GALNT17: variants seen among roughly 807,000 people sequenced by gnomAD.
The protein encoded by GALNT17 is polypeptide N-acetylgalactosaminyltransferase 17.
GALNT17 carries 29 observed loss-of-function variants against 63.7 expected under a neutral mutation model. The ratio of observed to expected loss-of-function variants is 0.46; its 90% confidence interval spans 0.34 to 0.62. The LOEUF (loss-of-function observed/expected upper bound fraction) is 0.62, where lower values mean the gene tolerates loss of function less well. Among genes scored for constraint, GALNT17 ranks in the 20% least tolerant of loss-of-function variants. The probability of loss-of-function intolerance (pLI) is 0.01; values close to 1 mark genes in which losing one functional copy is unlikely to be tolerated. For missense variants in GALNT17, 603 were observed against 799.6 expected, an observed-to-expected ratio of 0.75 and a Z score of 2.97; for synonymous variants, 305 against 318.3, an observed-to-expected ratio of 0.96 and a Z score of 0.45.
chr7:71,476,850 G>C (rs1430037365), intron 5 of GALNT17, among the ~76,000 whole-genome samples: 2 of 152,158 alleles, frequency 1.3e-5, no homozygotes, highest in Non-Finnish European at 2.9e-5. Context: ...CAGAATCAGA[G>C]TCCTGTAAGG....
At chr7:71,366,855 G>T (rs1792520885) in intron 2 of GALNT17, among the ~76,000 whole-genome samples, 1 of 152,098 alleles carries the variant, frequency 6.6e-6, no homozygotes, top group South Asian at 2.1e-4. Flanking sequence ...TTGCCAACCT[G>T]AAGGCTAAAA....
intron 1 of GALNT17, among the ~76,000 whole-genome samples, chr7:71,151,063 A>G (rs570071951): frequency 9.9e-5 from 15 of 151,456 alleles, no homozygotes; most frequent in South Asian, 4.2e-4. Flanking sequence ...ATCTCCTGCT[A>G]TCTCCTGTGT....
intron 5 of GALNT17, among the ~76,000 whole-genome samples, chr7:71,438,320 G>A (rs1319445733): frequency 6.6e-6 from 1 of 152,188 alleles, no homozygotes; most frequent in African/African-American, 2.4e-5. Context: ...TGCAGTCTGG[G>A]AGGCTAAGCT....
At chr7:71,564,369 C>T (rs887219502) in intron 5 of GALNT17, among the ~76,000 whole-genome samples, 2 of 149,392 alleles carry the variant, frequency 1.3e-5, no homozygotes, top group African/African-American at 4.9e-5. Flanking sequence ...TCACTACAAC[C>T]TCCTCCTCCC....
At chr7:71,520,609 G>A (rs1788515080) in intron 5 of GALNT17, among the ~76,000 whole-genome samples, 1 of 152,102 alleles carries the variant, frequency 6.6e-6, no homozygotes, top group Non-Finnish European at 1.5e-5. Context: ...GAAGCTGCAT[G>A]GTGTGTGTGG....
intron 5 of GALNT17, among the ~76,000 whole-genome samples, chr7:71,549,604 A>G (rs1408690472): frequency 6.6e-6 from 1 of 152,184 alleles, no homozygotes; most frequent in Admixed American, 6.6e-5. Context: ...AGATGAATAA[A>G]TATATTACAA....
intron 1 of GALNT17, among the ~76,000 whole-genome samples, chr7:71,277,972 A>G (rs1185289231): frequency 6.6e-6 from 1 of 152,186 alleles, no homozygotes. Flanking sequence ...TTTGGAGCCT[A>G]AGATAATTGA....
intron 5 of GALNT17, among the ~76,000 whole-genome samples, chr7:71,462,086 C>G (rs1583975469): frequency 6.6e-6 from 1 of 152,118 alleles, no homozygotes; most frequent in African/African-American, 2.4e-5. Context: ...GGGAGCTGCT[C>G]TGGGCTAGAT....
intron 5 of GALNT17, among the ~76,000 whole-genome samples, chr7:71,461,518 A>G (rs1417918389): frequency 1.3e-5 from 2 of 152,216 alleles, no homozygotes; most frequent in Non-Finnish European, 2.9e-5. Context: ...CTTTCATCCA[A>G]AAGAACTTAG....
At chr7:71,670,758 A>G (rs190474341) in intron 8 of GALNT17, among the ~76,000 whole-genome samples, 1 of 152,272 alleles carries the variant, frequency 6.6e-6, no homozygotes, top group Non-Finnish European at 1.5e-5. Flanking sequence ...AGAAAACTGC[A>G]ACTTAGAGAA....
chr7:71,666,594 C>G (rs1436855257), intron 7 of GALNT17, among the ~76,000 whole-genome samples: 2 of 151,828 alleles, frequency 1.3e-5, no homozygotes, highest in Admixed American at 6.6e-5. Flanking sequence ...TCCATTGTAT[C>G]GTTCTTATAC....
intron 2 of GALNT17, among the ~76,000 whole-genome samples, chr7:71,348,983 A>G (rs1184754179): frequency 1.3e-5 from 2 of 152,336 alleles, no homozygotes; most frequent in Middle Eastern, 6.8e-3. Flanking sequence ...AAGGAAACCC[A>G]AGCTGGTTTA....
At chr7:71,697,535 G>C (rs1178126576) in intron 9 of GALNT17, among the ~76,000 whole-genome samples, 2 of 152,096 alleles carry the variant, frequency 1.3e-5, no homozygotes, top group Non-Finnish European at 2.9e-5. Context: ...CACACTGCAG[G>C]AATGAGAGTC....
At chr7:71,335,037 T>G (rs1450211646) in intron 1 of GALNT17, among the ~76,000 whole-genome samples, 1 of 152,192 alleles carries the variant, frequency 6.6e-6, no homozygotes, top group Non-Finnish European at 1.5e-5. Flanking sequence ...TATGTCCTCT[T>G]TCGTCCTCAT....
chr7:71,491,126 A>C (rs999528236), intron 5 of GALNT17, among the ~76,000 whole-genome samples: 22 of 152,146 alleles, frequency 1.4e-4, no homozygotes, highest in African/African-American at 4.6e-4. Flanking sequence ...CCCAGGAGGC[A>C]GAGGTTGCAG....
intron 3 of GALNT17, among the ~76,000 whole-genome samples, chr7:71,402,154 C>G (rs981333174): frequency 2.6e-5 from 4 of 152,198 alleles, no homozygotes; most frequent in Non-Finnish European, 4.4e-5. Flanking sequence ...GTAATACTTG[C>G]AAGGCACATA....
chr7:71,300,578 A>G (rs1583842118), intron 1 of GALNT17: 2 of 350,294 alleles, frequency 5.7e-6, no homozygotes, highest in African/African-American at 4.3e-5. Context: ...TTTGTTTTCT[A>G]CACACACACA....
At chr7:71,172,834 T>TA (rs1174375533) in intron 1 of GALNT17, among the ~76,000 whole-genome samples, 2 of 152,234 alleles carry the variant, frequency 1.3e-5, no homozygotes, top group Non-Finnish European at 2.9e-5. Flanking sequence ...AATGTCCTCA[T>TA]ACTCCTGTTT....
At chr7:71,163,263 C>T (rs114571802) in intron 1 of GALNT17, among the ~76,000 whole-genome samples, 1 of 152,254 alleles carries the variant, frequency 6.6e-6, no homozygotes, top group African/African-American at 2.4e-5. Flanking sequence ...TTTGGATGCA[C>T]TGTTTCTGAT....
Sources: allele counts gnomAD v4.1 joint callset (sites outside exome capture counted in the v4.1 genomes callset), GRCh38; gene constraint gnomAD v4.1.1; transcripts MANE v1.5; gene names NCBI Gene and HGNC (gene_info 2026-07-23, HGNC 2026-07-21).